The following PTPDC1 variants were observed in gnomAD, a reference collection of about 807,000 sequenced individuals.
PTPDC1 encodes protein tyrosine phosphatase domain containing 1, also known as protein tyrosine phosphatase domain-containing protein 1.
PTPDC1 carries 53 observed loss-of-function variants against 75.3 expected under a neutral mutation model. The ratio of observed to expected loss-of-function variants is 0.70; its 90% CI spans 0.56 to 0.88. The LOEUF is 0.88. PTPDC1 is among the 40% of genes least tolerant of loss of function. PTPDC1 has a pLI of 0.00. For missense variants in PTPDC1, 925 were observed against 998.6 expected, an observed-to-expected ratio of 0.93 and a Z score of 0.99; for synonymous variants, 349 against 366.2, an observed-to-expected ratio of 0.95 and a Z score of 0.54.
chr9:94,080,698 A>C (rs998615575), upstream of PTPDC1, among the ~76,000 whole-genome samples: 1 of 152,250 alleles, frequency 6.6e-6, no homozygotes, highest in Non-Finnish European at 1.5e-5. Flanking sequence ...ATCAAAGTCA[A>C]GGAAAGACTG....
At chr9:94,075,323 A>G (rs1826648522) in intron 2 of PTPDC1, among the ~76,000 whole-genome samples, 1 of 152,172 alleles carries the variant, frequency 6.6e-6, no homozygotes, top group Non-Finnish European at 1.5e-5. Context: ...TCTCTCCGAC[A>G]CCACCTGATG....
intron 7 of PTPDC1, 87 bp downstream of exon 7, chr9:94,101,838 G>A: frequency 1.3e-6 from 1 of 748,328 alleles, no homozygotes; most frequent in Non-Finnish European, 2.1e-6. Flanking sequence ...TAAAAAAAGA[G>A]AATTCACACA....
intron 6 of PTPDC1, chr9:94,100,969 G>A (rs771767585): frequency 5.3e-5 from 8 of 152,016 alleles, no homozygotes; most frequent in South Asian, 4.2e-4. Context: ...TTCAGGACTC[G>A]GGGCTTATTG....
intron 1 of PTPDC1, among the ~76,000 whole-genome samples, chr9:94,047,138 GGATTACA>G (rs2118434756): frequency 6.6e-6 from 1 of 152,198 alleles, no homozygotes; most frequent in Admixed American, 6.5e-5. Flanking sequence ...TTTATATGCT[GGATTACA>G]TTTATTGATT....
intron 6 of PTPDC1, 78 bp downstream of exon 6, chr9:94,098,657 A>G (rs933442043): frequency 6.6e-6 from 8 of 1,210,986 alleles, no homozygotes; most frequent in Admixed American, 3.7e-5. Context: ...CATTTTCCCA[A>G]ACTTATTTAT....
At chr9:94,055,990 G>A (rs1476146011) in intron 1 of PTPDC1, among the ~76,000 whole-genome samples, 3 of 152,132 alleles carry the variant, frequency 2.0e-5, no homozygotes, top group Non-Finnish European at 4.4e-5. Flanking sequence ...ATGTGTCAGC[G>A]TAAGTTGATT....
At chr9:94,037,763 C>G (rs766604954) in intron 1 of PTPDC1, among the ~76,000 whole-genome samples, 1 of 152,038 alleles carries the variant, frequency 6.6e-6, no homozygotes, top group Non-Finnish European at 1.5e-5. Flanking sequence ...ATTCCCGTCC[C>G]GTAATCCCAG....
intron 1 of PTPDC1, among the ~76,000 whole-genome samples, chr9:94,045,053 C>A (rs1691667286): frequency 7.4e-6 from 1 of 134,586 alleles, no homozygotes; most frequent in South Asian, 2.5e-4. Context: ...TCCATGTGTT[C>A]TCATTGTTCA....
At chr9:94,074,207 G>A (rs934132909) in intron 2 of PTPDC1, among the ~76,000 whole-genome samples, 1 of 152,272 alleles carries the variant, frequency 6.6e-6, no homozygotes, top group East Asian at 1.9e-4. Context: ...CCAGGTGAGT[G>A]TATATGCCCA....
exon 2 of PTPDC1, chr9:94,064,751 A>C (rs1195919690): frequency 6.2e-7 from 1 of 1,613,228 alleles, no homozygotes; most frequent in African/African-American, 1.3e-5. Context: ...TGGCTGCAGG[A>C]GTCTTGCCTC....
chr9:94,106,437 T>C (rs1166349089), intron 8 of PTPDC1, among the ~76,000 whole-genome samples: 1 of 152,236 alleles, frequency 6.6e-6, no homozygotes, highest in Non-Finnish European at 1.5e-5. Flanking sequence ...TTTCCTAAGC[T>C]TGGGGCTCCT....
chr9:94,101,749 A>G lies in PTPDC1; in HGVS notation c.2197A>G (p.Lys733Glu). 1.9e-6 allele frequency: 3 copies of G among 1,605,126 alleles called. No homozygotes were observed. Among genetic ancestry groups the G allele is most frequent in the Non-Finnish European group, 2.6e-6 (3 of 1,173,728 alleles). Residue 733 changes from lysine (K) to glutamate (E), a missense_variant and splice_region_variant, in exon 7 of 9, where the codon AAG becomes GAG. Transcript: ENST00000620992. Reference sequence around the variant, plus strand: ...CGCAGAAGCACTTTTTTTATTAGAGAAGGTAAAGTGGCTGTAGGACCAGTT... The same window carrying G: ...CGCAGAAGCACTTTTTTTATTAGAGGAGGTAAAGTGGCTGTAGGACCAGTT... ...DAAEALFLLE[K>E]GQHQTILCVL...
intron 1 of PTPDC1, among the ~76,000 whole-genome samples, chr9:94,041,223 C>T (rs1191044968): frequency 3.3e-5 from 5 of 152,172 alleles, no homozygotes. Context: ...TAAGCAAGGA[C>T]CACAGGGAAG....
upstream of PTPDC1, among the ~76,000 whole-genome samples, chr9:94,084,161 A>C (rs1826980277): frequency 6.6e-6 from 1 of 152,232 alleles, no homozygotes; most frequent in African/African-American, 2.4e-5. Context: ...TGTATGTAAA[A>C]GGCAGTTTTT....
chr9:94,050,639 C>A (rs1163014215), intron 1 of PTPDC1, among the ~76,000 whole-genome samples: 1 of 152,230 alleles, frequency 6.6e-6, no homozygotes, highest in Non-Finnish European at 1.5e-5. Context: ...GGGTGCCTCC[C>A]AGTTAGGCTA....
chr9:94,100,756 A>T (rs1289585682), intron 6 of PTPDC1: 1 of 86,846 alleles, frequency 1.2e-5, no homozygotes, highest in East Asian at 3.4e-4. Flanking sequence ...AATGGTAGCA[A>T]TTATTACACT....
In PTPDC1 at chr9:94,097,590, A is replaced by G; in HGVS notation, c.1024A>G (p.Ile342Val). ...ACGACTTCTGAAACACGTGCCAAAA[A>G]TTATCCACCTAGTTTGCAAATTGCT... is the stretch of plus-strand genomic sequence containing the variant. ...EARLLKHVPK[I>V]IHLVCKLLLD... is the part of the protein sequence containing the mutation. The change falls in exon 6 of 9, where the codon ATT becomes GTT. Residue 342 changes from isoleucine to valine, a missense_variant. Transcript: ENST00000620992. 6.2e-7 allele frequency: 1 copy of G among 1,614,030 alleles called. No individual in the cohort carries two copies. Among genetic ancestry groups the G allele is most frequent in the South Asian group, 1.1e-5 (1 of 91,090 alleles).
At chr9:94,085,872 A>C (rs1827056831) in intron 2 of PTPDC1, among the ~76,000 whole-genome samples, 1 of 152,168 alleles carries the variant, frequency 6.6e-6, no homozygotes, top group Non-Finnish European at 1.5e-5. Context: ...CCTTCAGTCT[A>C]CCCTAATAAA....
At chr9:94,057,387 T>G (rs909066523) in intron 1 of PTPDC1, among the ~76,000 whole-genome samples, 2 of 152,172 alleles carry the variant, frequency 1.3e-5, no homozygotes, top group African/African-American at 4.8e-5. Flanking sequence ...TGCAGCCCAT[T>G]ACTAACTATT....
Sources: allele counts gnomAD v4.1 joint callset (sites outside exome capture counted in the v4.1 genomes callset), GRCh38; gene constraint gnomAD v4.1.1; transcripts MANE v1.5; gene names NCBI Gene and HGNC (gene_info 2026-07-23, HGNC 2026-07-21).